HIP1: variants seen among roughly 807,000 people sequenced by gnomAD.
HIP1 encodes the protein huntingtin interacting protein 1.
Under a neutral mutation model 147.6 loss-of-function variants are expected in HIP1, and 65 were observed. That is an observed-to-expected ratio of 0.44 (90% CI 0.36 to 0.54). The LOEUF is 0.54. HIP1 is among the 20% of genes least tolerant of loss of function. The probability of loss-of-function intolerance (pLI) is 0.00; values close to 1 mark genes in which losing one functional copy is unlikely to be tolerated. For missense variants in HIP1, 1,061 were observed against 1,299.6 expected (o/e 0.82, Z 2.82); for synonymous variants, 479 against 504.0 (o/e 0.95, Z 0.67).
intron 2 of HIP1, 21 bp from the exon 3 acceptor site, chr7:75,592,535 A>G (rs782485480): frequency 1.2e-6 from 2 of 1,606,594 alleles, no homozygotes; most frequent in Non-Finnish European, 1.7e-6. Flanking sequence ...GTTATGGAAA[A>G]CAACGGATGG....
At chr7:75,582,043 C>T in intron 6 of HIP1, 32 bp downstream of exon 6, 1 of 1,578,504 alleles carries the variant, frequency 6.3e-7, no homozygotes, top group Non-Finnish European at 8.7e-7. Context: ...AAAGCTTTCT[C>T]CCTCCCTGGG....
At chr7:75,635,959 C>G (rs4731235) in intron 1 of HIP1, among the ~76,000 whole-genome samples, 27,750 of 142,502 alleles carry the variant, frequency 0.19, 2,968 homozygotes, top group Middle Eastern at 0.26. Flanking sequence ...GGAAGGCGGA[C>G]GTTGCAAATG....
chr7:75,595,208 CTTTCTTTCTTTCTTTCTTTCTTTCTTT>C (rs1796653290), intron 2 of HIP1, among the ~76,000 whole-genome samples: 1 of 70,038 alleles, frequency 1.4e-5, no homozygotes, highest in South Asian at 5.2e-4. Flanking sequence ...TTCTTTCTTT[CTTTCTTTCTTTCTTTCTTTCTTTCTTT>C]CTTTCTTTCT....
chr7:75,611,297 T>C (rs945114492), intron 1 of HIP1, among the ~76,000 whole-genome samples: 4 of 151,868 alleles, frequency 2.6e-5, no homozygotes, highest in Middle Eastern at 3.4e-3. Context: ...CAAAACCTTG[T>C]CTCTACCAAA....
At chr7:75,624,053 C>T (rs1797946945) in intron 1 of HIP1, among the ~76,000 whole-genome samples, 1 of 152,144 alleles carries the variant, frequency 6.6e-6, no homozygotes, top group African/African-American at 2.4e-5. Context: ...TGCACTCCGG[C>T]CTGGGAGACA....
intron 1 of HIP1, among the ~76,000 whole-genome samples, chr7:75,710,719 T>C (rs1801144676): frequency 6.6e-6 from 1 of 152,160 alleles, no homozygotes; most frequent in African/African-American, 2.4e-5. Context: ...TGCCTATGAA[T>C]AGCCACTGCA....
In HIP1 at chr7:75,562,933, A is replaced by G. The variant is rs1554494846; in HGVS notation, c.1020+2T>C. On this transcript the variant is annotated splice_donor_variant, in intron 11 of 30. Transcript: ENST00000336926. LOFTEE classifies it high-confidence loss of function. ...CAAGTTTCTCTCCCAAGTGGTCCTC[A>G]CCTGCTGAGAGGCATCCATGTCCAT... 4 of 1,614,028 alleles carry G rather than the reference A, an allele frequency of 2.5e-6. No individual in the cohort carries two copies. Among genetic ancestry groups the G allele is most frequent in the Non-Finnish European group, 3.4e-6 (4 of 1,179,990 alleles).
At chr7:75,620,059 T>G (rs1267005376) in intron 1 of HIP1, among the ~76,000 whole-genome samples, 1 of 152,170 alleles carries the variant, frequency 6.6e-6, no homozygotes, top group Non-Finnish European at 1.5e-5. Context: ...CGACATATAT[T>G]TCTGGAAGGC....
chr7:75,591,639 C>A (rs587741287), intron 4 of HIP1, among the ~76,000 whole-genome samples: 5 of 149,648 alleles, frequency 3.3e-5, no homozygotes, highest in African/African-American at 7.4e-5. Flanking sequence ...GATCCCAGCA[C>A]TTTGGGAGGC....
intron 1 of HIP1, among the ~76,000 whole-genome samples, chr7:75,624,648 C>G (rs1797971129): frequency 1.3e-5 from 2 of 152,218 alleles, no homozygotes; most frequent in African/African-American, 4.8e-5. Flanking sequence ...AACTGCTCCA[C>G]TCCCTGGCCT....
At chr7:75,660,832 C>T (rs73141219) in intron 1 of HIP1, among the ~76,000 whole-genome samples, 501 of 152,186 alleles carry the variant, frequency 3.3e-3, no homozygotes, top group Non-Finnish European at 5.0e-3. Flanking sequence ...CCCCTTCATC[C>T]TCAAAGCCCT....
Position 75,547,752 on chromosome 7 carries a change from G to A in HIP1, c.2465+3C>T, listed in dbSNP as rs367547165. 2 of 1,612,888 alleles carry A rather than the reference G, an allele frequency of 1.2e-6. No individual in the cohort carries two copies. The highest frequency in any genetic ancestry group is 2.2e-5 in the East Asian group (1 of 44,874). ...TAGGTCCCACCATGCCGCTCAGACC[G>A]ACCTTTCATTCACCTCCAATTTGAC... On this transcript the variant is annotated splice_donor_region_variant and intron_variant, in intron 24 of 30. Transcript: ENST00000336926.
chr7:75,703,556 T>C (rs1399100633), intron 1 of HIP1, among the ~76,000 whole-genome samples: 1 of 151,758 alleles, frequency 6.6e-6, no homozygotes, highest in East Asian at 1.9e-4. Context: ...GGCAAGAGAA[T>C]TGCTTGAACC....
chr7:75,683,540 G>C (rs977354857), intron 1 of HIP1, among the ~76,000 whole-genome samples: 3 of 152,156 alleles, frequency 2.0e-5, no homozygotes, highest in African/African-American at 7.2e-5. Flanking sequence ...AGGGGCAGGA[G>C]GAAGCTGGCT....
At chr7:75,614,896 C>T (rs1029848348) in intron 1 of HIP1, among the ~76,000 whole-genome samples, 2 of 152,082 alleles carry the variant, frequency 1.3e-5, no homozygotes, top group Non-Finnish European at 2.9e-5. Flanking sequence ...GCCTCAGCCT[C>T]CTGATAGCTG....
intron 1 of HIP1, among the ~76,000 whole-genome samples, chr7:75,678,916 G>A (rs1043677679): frequency 3.3e-5 from 5 of 152,160 alleles, no homozygotes; most frequent in African/African-American, 9.7e-5. Flanking sequence ...AAGCAAGAAG[G>A]TAATAGTAGC....
rs1247000628 is a variant in HIP1, at chr7:75,561,385, G to A, written c.1135C>T (p.Arg379Ter). ...NKDEKDHLIE[R>*]LYREISGLKA... ...AATCCACTGATCTCTCTGTATAGTC[G>A]CTCAATTAAGTGGTCCCTGGGAAGA... Residue 379 changes from arginine (R) to a stop codon, truncating the protein, a stop_gained, in exon 13 of 31, where the codon CGA (arginine) becomes TGA (stop). Coordinates refer to ENST00000336926, the MANE Select transcript of HIP1 (RefSeq NM_005338.7). LOFTEE classifies it high-confidence loss of function. 3.1e-6 allele frequency: 5 copies of A among 1,611,652 alleles called. No homozygotes were observed. Among genetic ancestry groups the A allele is most frequent in the Non-Finnish European group, 3.4e-6 (4 of 1,177,726 alleles).
intron 1 of HIP1, among the ~76,000 whole-genome samples, chr7:75,619,491 G>A (rs1353271533): frequency 1.4e-5 from 2 of 141,422 alleles, no homozygotes; most frequent in Non-Finnish European, 3.0e-5. Flanking sequence ...ACTCCAGCCT[G>A]GGCGACAGAG....
chr7:75,610,619 C>T (rs950233299), intron 1 of HIP1, among the ~76,000 whole-genome samples: 54 of 152,102 alleles, frequency 3.6e-4, no homozygotes, highest in African/African-American at 1.3e-3. Context: ...CCTGCCTTCT[C>T]CTTTCCTGTA....
Sources: allele counts gnomAD v4.1 joint callset (sites outside exome capture counted in the v4.1 genomes callset), GRCh38; gene constraint gnomAD v4.1.1; transcripts MANE v1.5; gene names NCBI Gene and HGNC (gene_info 2026-07-23, HGNC 2026-07-21).